CALN1: variants seen among roughly 807,000 people sequenced by gnomAD.
CALN1 encodes calneuron 1.
In CALN1, 17 loss-of-function variants were observed where a neutral mutation model predicts 30.6. The observed-to-expected ratio is 0.56, with a 90% CI of 0.38 to 0.83. The LOEUF is 0.83. Ranked by LOEUF, CALN1 falls within the 40% of genes least tolerant of loss-of-function variation. The pLI, the probability that CALN1 is intolerant of heterozygous loss-of-function variation, is 0.00. For missense variants in CALN1, 291 were observed against 354.9 expected (o/e 0.82, Z 1.45); for synonymous variants, 156 against 131.4 (o/e 1.19, Z -1.28).
rs1562751413 is a variant in CALN1 at position 72,216,513 on chromosome 7, G to A, written c.244+62173C>T. Among the ~76,000 whole-genome samples, 2 of 152,072 alleles carry A rather than the reference G, an allele frequency of 1.3e-5. 1 individual carries two copies. Among genetic ancestry groups the A allele is most frequent in the South Asian group, 4.2e-4 (2 of 4,812 alleles). ...AGAAGCCATAATTCTGTGTATCATA[G>A]GGTGCATCCCAAGCGTAAGGTACCC... On this transcript the variant is annotated intron_variant, in intron 3 of 6. Transcript: ENST00000395275.
At chr7:71,921,834 G>A (rs1461372820) in intron 5 of CALN1, among the ~76,000 whole-genome samples, 1 of 125,610 alleles carries the variant, frequency 8.0e-6, no homozygotes, top group Non-Finnish European at 1.7e-5. Flanking sequence ...CATCCCCCCC[G>A]CCGCCATCCT....
chr7:71,860,187 T>C (rs964729132), intron 5 of CALN1, among the ~76,000 whole-genome samples: 1 of 148,952 alleles, frequency 6.7e-6, no homozygotes, highest in African/African-American at 2.5e-5. Context: ...GAGCATTCTT[T>C]ATTTTCATTT....
At chr7:72,354,401 G>A (rs73362983) in intron 2 of CALN1, among the ~76,000 whole-genome samples, 5,187 of 152,226 alleles carry the variant, frequency 0.034, 280 homozygotes, top group African/African-American at 0.11. Flanking sequence ...TACAGGTTCA[G>A]CATCATCAAT....
chr7:72,381,513 G>C lies in CALN1; in HGVS notation c.119+21738C>G, dbSNP rs540724070. The stretch of plus-strand genomic sequence containing the variant: ...ACGAATACTATGCAGCCATAAAAAA[G>C]AATGAGTTCATTTGCAGGGGCATAT... On this transcript the variant is annotated intron_variant, in intron 2 of 6. Coordinates refer to ENST00000395275, the MANE Select transcript of CALN1 (RefSeq NM_031468.4). Among the ~76,000 whole-genome samples, 50 of 152,296 alleles carry C rather than the reference G, an allele frequency of 3.3e-4. No individual in the cohort carries two copies. In the Middle Eastern group the frequency reaches 0.014, roughly 41 times the overall value.
intron 5 of CALN1, among the ~76,000 whole-genome samples, chr7:71,963,280 A>G (rs1797346687): frequency 6.6e-6 from 1 of 152,182 alleles, no homozygotes; most frequent in Non-Finnish European, 1.5e-5. Flanking sequence ...CTCCTGCCTC[A>G]GCCTCCAGAG....
At chr7:72,138,371 A>T (rs991536362) in intron 3 of CALN1, among the ~76,000 whole-genome samples, 2 of 152,202 alleles carry the variant, frequency 1.3e-5, no homozygotes, top group Admixed American at 1.3e-4. Context: ...AACAATGAGT[A>T]AACTGGAGGC....
intron 3 of CALN1, among the ~76,000 whole-genome samples, chr7:72,273,485 T>C (rs1384840279): frequency 7.0e-6 from 1 of 142,956 alleles, no homozygotes; most frequent in African/African-American, 2.6e-5. Flanking sequence ...TGGGATAAAG[T>C]GAAGAAGGCA....
chr7:72,298,961 CTCTT>C (rs1365710663), intron 2 of CALN1, among the ~76,000 whole-genome samples: 2 of 152,076 alleles, frequency 1.3e-5, no homozygotes, highest in Admixed American at 1.3e-4. Context: ...CCAATTAAAC[CTCTT>C]TCTTTTGTAA....
intron 5 of CALN1, among the ~76,000 whole-genome samples, chr7:72,014,465 A>T (rs1800268094): frequency 6.6e-6 from 1 of 152,142 alleles, no homozygotes; most frequent in Non-Finnish European, 1.5e-5. Flanking sequence ...GATAACTGTT[A>T]ACCAATCCCT....
intron 5 of CALN1, among the ~76,000 whole-genome samples, chr7:71,978,328 A>G (rs1425844543): frequency 2.9e-5 from 4 of 136,122 alleles, no homozygotes; most frequent in Non-Finnish European, 6.0e-5. Context: ...CTGGAGGGCA[A>G]TGGCGCTATC....
At chr7:72,166,557 A>ACTTG (rs1455144351) in intron 3 of CALN1, among the ~76,000 whole-genome samples, 1 of 152,232 alleles carries the variant, frequency 6.6e-6, no homozygotes, top group Non-Finnish European at 1.5e-5. Flanking sequence ...TATTTCTATT[A>ACTTG]CTTGCTACAA....
At chr7:71,799,279 C>T (rs1319372210) in intron 6 of CALN1, among the ~76,000 whole-genome samples, 1 of 152,080 alleles carries the variant, frequency 6.6e-6, no homozygotes, top group Non-Finnish European at 1.5e-5. Context: ...GAAAAGGAGA[C>T]TCTCAATATT....
At chr7:72,299,564 T>A (rs552850767) in intron 2 of CALN1, among the ~76,000 whole-genome samples, 8 of 151,854 alleles carry the variant, frequency 5.3e-5, no homozygotes, top group Admixed American at 2.6e-4. Flanking sequence ...AAACAGGGAA[T>A]GCAAAGACTG....
chr7:72,440,000 A>G (rs930816676), intron 1 of CALN1, among the ~76,000 whole-genome samples: 1 of 152,184 alleles, frequency 6.6e-6, no homozygotes, highest in Non-Finnish European at 1.5e-5. Flanking sequence ...TTATAGTTCA[A>G]ACCCAAATTG....
rs1791133621 is a variant in CALN1 at position 71,859,268 on chromosome 7, G to A, written c.502-48776C>T. On this transcript the variant is annotated intron_variant, in intron 5 of 6. Coordinates refer to ENST00000395275, the MANE Select transcript of CALN1 (RefSeq NM_031468.4). ...AGTAGAGACAGGGTTTCATCATGTT[G>A]GCCAGGCTGGACTCCAACTCCTGAC... is the stretch of plus-strand genomic sequence containing the variant. 2.6e-5 allele frequency among the ~76,000 whole-genome samples: 4 copies of A among 152,022 alleles called. No individual in the cohort carries two copies. The South Asian group carries it at 8.3e-4, about 32-fold the overall frequency.
intron 4 of CALN1, among the ~76,000 whole-genome samples, chr7:72,105,160 G>C (rs955230941): frequency 2.0e-5 from 3 of 152,082 alleles, no homozygotes; most frequent in African/African-American, 7.2e-5. Flanking sequence ...CTCTCGTCTG[G>C]CTACACTGGG....
intron 5 of CALN1, among the ~76,000 whole-genome samples, chr7:71,836,405 G>C (rs773951674): frequency 1.1e-4 from 16 of 152,256 alleles, no homozygotes; most frequent in Middle Eastern, 6.8e-3. Context: ...ATAAAAGGGA[G>C]GAAAAGACCT....
chr7:72,342,843 T>C (rs1163770640), intron 2 of CALN1, among the ~76,000 whole-genome samples: 1 of 151,960 alleles, frequency 6.6e-6, no homozygotes, highest in Non-Finnish European at 1.5e-5. Context: ...TGAATAGAAA[T>C]AGGTAGAAGT....
chr7:72,226,062 C>G (rs1015647404), intron 3 of CALN1, among the ~76,000 whole-genome samples: 1 of 146,400 alleles, frequency 6.8e-6, no homozygotes, highest in Non-Finnish European at 1.5e-5. Context: ...CGCCACTGCA[C>G]TCCAGCCTGG....
Sources: allele counts gnomAD v4.1 joint callset (sites outside exome capture counted in the v4.1 genomes callset), GRCh38; gene constraint gnomAD v4.1.1; transcripts MANE v1.5; gene names NCBI Gene and HGNC (gene_info 2026-07-23, HGNC 2026-07-21).